The following KNSTRN variants were observed in gnomAD, a reference collection of about 807,000 sequenced individuals.
The protein encoded by KNSTRN is kinetochore localized astrin (SPAG5) binding protein, also known as small kinetochore-associated protein.
A neutral mutation model predicts 44.7 loss-of-function variants in KNSTRN; 38 were observed. The observed-to-expected ratio is 0.85, with a 90% CI of 0.66 to 1.11. The LOEUF is 1.11. Ranked by LOEUF, KNSTRN falls within the 50% of genes most tolerant of loss-of-function variation. The pLI is 0.00. For missense variants in KNSTRN, 406 were observed against 375.8 expected (o/e 1.08, Z -0.66); for synonymous variants, 158 against 148.1 (o/e 1.07, Z -0.48).
In KNSTRN at chr15:40,383,343, C is replaced by T. The variant is rs546520581; in HGVS notation, c.304+21C>T. On this transcript the variant is annotated intron_variant, in intron 2 of 8. Transcript: ENST00000249776. ...GGCAGGTGAGGGTCCAAGCCACGCC[C>T]GGGGCACTGCGGCCTGGCCGGGGAT... is the stretch of plus-strand genomic sequence containing the variant. The T allele has an allele frequency of 5.7e-6, 9 of 1,578,932 alleles. No homozygotes were observed. In the African/African-American group the frequency reaches 9.4e-5, roughly 17 times the overall value.
chr15:40,389,612 G>GTC lies in KNSTRN; in HGVS notation c.591+2_591+3insCT, dbSNP rs1245475474. On this transcript the variant is annotated splice_donor_variant, in intron 5 of 8. Transcript: ENST00000249776. LOFTEE classifies it high-confidence loss of function. ...GCACCAGAAGTTGACTGAAACTCAGGTAAGAGACCCACCAGAGCTCTGTTA... is the reference window on the plus strand; with the variant it reads ...GCACCAGAAGTTGACTGAAACTCAGGTCTAAGAGACCCACCAGAGCTCTGTTA... 2.5e-6 allele frequency: 4 copies of GTC among 1,604,830 alleles called. No individual in the cohort carries two copies. Among genetic ancestry groups the GTC allele is most frequent in the Non-Finnish European group, 8.5e-7 (1 of 1,171,760 alleles).
Position 40,385,457 on chromosome 15 carries a change from G to A in KNSTRN, c.305-905G>A, listed in dbSNP as rs555668105. Among the ~76,000 whole-genome samples, 6 of 152,338 alleles carry A rather than the reference G, an allele frequency of 3.9e-5. No homozygotes were observed. In the South Asian group the frequency reaches 1.0e-3, roughly 26 times the overall value. On this transcript the variant is annotated intron_variant, in intron 2 of 8. Coordinates refer to ENST00000249776, the MANE Select transcript of KNSTRN (RefSeq NM_033286.4). ...AAAGGGCTAGTGGTAGAGGCAGGCAGCATGGAAGAGGAAGGGACCAGACAG... is the reference window on the plus strand; with the variant it reads ...AAAGGGCTAGTGGTAGAGGCAGGCAACATGGAAGAGGAAGGGACCAGACAG...
Position 40,387,192 on chromosome 15 carries a change from G to T in KNSTRN, c.471G>T (p.Arg157Ser), listed in dbSNP as rs1301627160. The change falls in exon 4 of 9, where the codon AGG becomes AGT. Residue 157 changes from arginine to serine, a missense_variant. Transcript: ENST00000249776. Reference sequence around the variant, plus strand: ...AAGCTACTGACACTGCCACCAGAAGGAATGTCAGAAAAGGGTGAGCATCAG... The same window carrying T: ...AAGCTACTGACACTGCCACCAGAAGTAATGTCAGAAAAGGGTGAGCATCAG... The part of the protein sequence containing the change: ...QMKATDTATR[R>S]NVRKGYKPLS... The T allele has an allele frequency of 6.2e-7, 1 of 1,613,458 alleles. No individual in the cohort carries two copies.
At chr15:40,389,018 A>G in intron 4 of KNSTRN, 1 of 351,464 alleles carries the variant, frequency 2.8e-6, no homozygotes, top group South Asian at 2.1e-5. Context: ...AGATGTGGGT[A>G]TTGTCCTGAT....
At chr15:40,388,740 G>T (rs1481315911) in intron 4 of KNSTRN, among the ~76,000 whole-genome samples, 1 of 151,944 alleles carries the variant, frequency 6.6e-6, no homozygotes, top group Non-Finnish European at 1.5e-5. Context: ...CCCTTGGCAG[G>T]CCAGGTGTTC....
At chr15:40,391,851 C>T (rs962178292) in intron 7 of KNSTRN, 98 bp from the exon 8 acceptor site, 30 of 912,578 alleles carry the variant, frequency 3.3e-5, no homozygotes, top group Non-Finnish European at 4.9e-5. Context: ...TCTCCTGACT[C>T]CTTTGTTGAG....
In KNSTRN at chr15:40,383,333, A is replaced by C; in HGVS notation, c.304+11A>C. ...GCGGCCAGCCGGCAGGTGAGGGTCC[A>C]AGCCACGCCCGGGGCACTGCGGCCT... On this transcript the variant is annotated intron_variant, in intron 2 of 8. Coordinates refer to ENST00000249776, the MANE Select transcript of KNSTRN (RefSeq NM_033286.4). 1.2e-6 allele frequency: 2 copies of C among 1,602,658 alleles called. No homozygotes were observed. Among genetic ancestry groups the C allele is most frequent in the Non-Finnish European group, 1.7e-6 (2 of 1,171,098 alleles).
rs747503092 is a variant in KNSTRN, at chr15:40,383,275, T to A, written c.257T>A (p.Val86Glu). 49 of 1,613,766 alleles carry A rather than the reference T, an allele frequency of 3.0e-5. No individual in the cohort carries two copies. The Admixed American group carries it at 7.8e-4, about 26-fold the overall frequency. The change falls in exon 2 of 9, where the codon GTG becomes GAG. Residue 86 changes from valine to glutamate, a missense_variant. By Grantham distance (121) the Val-to-Glu change is moderately radical. Coordinates refer to ENST00000249776, the MANE Select transcript of KNSTRN (RefSeq NM_033286.4). ...LVTMTSVVKT[V>E]YSLQPPSALS... The stretch of plus-strand genomic sequence containing the variant: ...ACGATGACCAGTGTGGTTAAGACAG[T>A]GTATAGCCTGCAGCCCCCCTCTGCG...
intron 8 of KNSTRN, chr15:40,393,051 C>A: frequency 1.4e-6 from 1 of 700,972 alleles, no homozygotes. Flanking sequence ...GTTCACATCA[C>A]CAAGGCATGA....
chr15:40,383,050 G>T lies in KNSTRN; in HGVS notation c.209+6G>T, dbSNP rs1469795853. 1 of 1,609,446 alleles carries T rather than the reference G, an allele frequency of 6.2e-7. No homozygotes were observed. Among genetic ancestry groups the T allele is most frequent in the South Asian group, 1.1e-5 (1 of 91,006 alleles). Reference sequence around the variant, plus strand: ...CAGGACCGGCGGGCTCCTGGGTTCGGCTCTCCCGGGGCGAGGGACTGGGCT... The same window carrying T: ...CAGGACCGGCGGGCTCCTGGGTTCGTCTCTCCCGGGGCGAGGGACTGGGCT... On this transcript the variant is annotated splice_donor_region_variant and intron_variant, in intron 1 of 8. Coordinates refer to ENST00000249776, the MANE Select transcript of KNSTRN (RefSeq NM_033286.4).
intron 8 of KNSTRN, chr15:40,393,063 G>A (rs1286341265): frequency 3.7e-6 from 3 of 803,220 alleles, no homozygotes; most frequent in Admixed American, 2.7e-5. Context: ...AAGGCATGAG[G>A]CAATGTGTAA....
intron 4 of KNSTRN, among the ~76,000 whole-genome samples, chr15:40,387,538 A>G (rs776502354): frequency 3.9e-5 from 6 of 152,196 alleles, no homozygotes; most frequent in Non-Finnish European, 5.9e-5. Context: ...GTATGTAGTT[A>G]GTGATCTCGA....
chr15:40,391,706 A>T, intron 7 of KNSTRN, 152 bp downstream of exon 7: 1 of 710,980 alleles, frequency 1.4e-6, no homozygotes, highest in Non-Finnish European at 2.4e-6. Flanking sequence ...TGTACTCAAA[A>T]TAGCATATTT....
chr15:40,387,255 C>G, intron 4 of KNSTRN, 49 bp downstream of exon 4: 3 of 1,385,150 alleles, frequency 2.2e-6, no homozygotes, highest in Non-Finnish European at 3.1e-6. Flanking sequence ...GGTAGTGGAT[C>G]TCAATCCTTG....
chr15:40,383,171 C>T, intron 1 of KNSTRN, 57 bp from the exon 2 acceptor site: 1 of 1,581,072 alleles, frequency 6.3e-7, no homozygotes, highest in South Asian at 1.1e-5. Flanking sequence ...CCCGGGCCCT[C>T]CACTCTCTCG....
At chr15:40,391,719 C>G in intron 7 of KNSTRN, 165 bp downstream of exon 7, 1 of 681,378 alleles carries the variant, frequency 1.5e-6, no homozygotes, top group Non-Finnish European at 2.5e-6. Flanking sequence ...GCATATTTTA[C>G]TTGAAAGGTA....
At position 40,382,860 on chromosome 15, in the gene KNSTRN, C is replaced by G. The variant is rs200505100; in HGVS notation, c.25C>G (p.Leu9Val). The G allele has an allele frequency of 3.3e-4, 530 of 1,611,994 alleles. 2 individuals carry two copies. In the African/African-American group the frequency reaches 6.4e-3, roughly 19 times the overall value. ...TATGGCGGCTCCCGAAGCCCCGCCC[C>G]TGGACAGAGTTTTCCGTACAACATG... is the stretch of plus-strand genomic sequence containing the variant. The part of the protein sequence containing the change: MAAPEAPP[L>V]DRVFRTTWLS... Residue 9 changes from leucine to valine, a missense_variant, in exon 1 of 9, where the codon CTG becomes GTG. Transcript: ENST00000249776.
Position 40,393,527 on chromosome 15 carries a change from C to T in KNSTRN, c.881C>T (p.Thr294Ile). The stretch of plus-strand genomic sequence containing the variant: ...AGAGTCCGATTCCTAGAACAGCAAA[C>T]CTTATGTAACAATCAAGTAAATGAT... ...EERVRFLEQQTLCNNQVNDLT... is the reference protein window; with the variant it reads ...EERVRFLEQQILCNNQVNDLT... Residue 294 changes from threonine to isoleucine, a missense_variant, in exon 9 of 9, where the codon ACC becomes ATC. Transcript: ENST00000249776. 1 of 1,613,992 alleles carries T rather than the reference C, an allele frequency of 6.2e-7. No homozygotes were observed. Among genetic ancestry groups the T allele is most frequent in the Non-Finnish European group, 8.5e-7 (1 of 1,179,982 alleles).
At chr15:40,383,652 T>A (rs1030183931) in intron 2 of KNSTRN, among the ~76,000 whole-genome samples, 1 of 152,258 alleles carries the variant, frequency 6.6e-6, no homozygotes, top group Non-Finnish European at 1.5e-5. Context: ...AGACTTGGGC[T>A]ATCTTGAGGG....
Sources: gnomAD v4.1 joint callset for allele counts (sites outside exome capture counted in the v4.1 genomes callset) on GRCh38, gnomAD v4.1.1 for gene constraint, MANE v1.5 for transcripts, NCBI Gene and HGNC (gene_info 2026-07-23, HGNC 2026-07-21) for gene names.